CES5A: variants seen among roughly 807,000 people sequenced by gnomAD.
CES5A encodes carboxylesterase 5A.
CES5A carries 67 observed loss-of-function variants against 62.9 expected under a neutral mutation model. That is an observed-to-expected ratio of 1.07 (90% CI 0.88 to 1.31). CES5A has a LOEUF of 1.31. CES5A is among the 50% of genes most tolerant of loss of function. The pLI, the probability that CES5A is intolerant of heterozygous loss-of-function variation, is 0.00. For synonymous variants in CES5A, 296 were observed against 280.8 expected (o/e 1.05, Z -0.54); for missense variants, 748 against 708.5 (o/e 1.06, Z -0.63).
chr16:55,947,701 A>G (rs929940309), intron 2 of CES5A, among the ~76,000 whole-genome samples: 11 of 152,092 alleles, frequency 7.2e-5, no homozygotes, highest in Non-Finnish European at 5.9e-5. Flanking sequence ...CACATTTGAA[A>G]TGGAAGTTGA....
chr16:55,849,586 GGCT>G (rs772308797), intron 11 of CES5A, 35 bp downstream of exon 11: 13 of 1,607,986 alleles, frequency 8.1e-6, no homozygotes, highest in Non-Finnish European at 1.1e-5. Context: ...GTAAGCAAGG[GGCT>G]TCATGTGAAC....
At chr16:55,942,776 T>C (rs1235319652) in intron 2 of CES5A, among the ~76,000 whole-genome samples, 2 of 152,228 alleles carry the variant, frequency 1.3e-5, no homozygotes, top group Non-Finnish European at 2.9e-5. Flanking sequence ...ATAACTCAAA[T>C]GTTTTCCATA....
At chr16:55,852,434 A>T (rs1434626445) in intron 10 of CES5A, among the ~76,000 whole-genome samples, 1 of 152,206 alleles carries the variant, frequency 6.6e-6, no homozygotes, top group Non-Finnish European at 1.5e-5. Context: ...GCACTTGAGA[A>T]GAATGTGGAA....
intron 1 of CES5A, among the ~76,000 whole-genome samples, chr16:55,913,017 G>A (rs1156775157): frequency 2.0e-5 from 3 of 152,150 alleles, no homozygotes; most frequent in African/African-American, 7.2e-5. Context: ...TATCAAGACA[G>A]GGGAATTGCA....
At chr16:55,884,599 C>CT (rs141071104) in intron 1 of CES5A, among the ~76,000 whole-genome samples, 35,099 of 149,578 alleles carry the variant, frequency 0.23, 4,872 homozygotes, top group Non-Finnish European at 0.32. Flanking sequence ...AAACTTCTTC[C>CT]TTTTTTTTTT....
intron 1 of CES5A, among the ~76,000 whole-genome samples, chr16:55,904,769 C>CAGCA (rs2034023238): frequency 6.6e-6 from 1 of 152,158 alleles, no homozygotes. Context: ...CCACCTGGCA[C>CAGCA]AGCATAATGG....
chr16:55,846,404 A>C lies in CES5A; in HGVS notation c.*47T>G, dbSNP rs749373357. On this transcript the variant is annotated 3_prime_UTR_variant, in exon 13 of 13. Transcript: ENST00000290567. Reference sequence around the variant, plus strand: ...AGAAAGAAGCTAATGATTGCGGGAGAAATTATGGGAGGAGAAGGGAAACCA... The same window carrying C: ...AGAAAGAAGCTAATGATTGCGGGAGCAATTATGGGAGGAGAAGGGAAACCA... 7.0e-7 allele frequency: 1 copy of C among 1,437,114 alleles called. No individual in the cohort carries two copies. Among genetic ancestry groups the C allele is most frequent in the South Asian group, 1.2e-5 (1 of 85,436 alleles). The allele number at this position is 1,437,114 out of a possible 1,614,324, so 89.0% of individuals were successfully genotyped here. A position where few individuals can be genotyped will look rare whatever the true frequency, so the allele number is the denominator to read the frequency against.
chr16:55,939,508 A>T (rs1437336799), intron 2 of CES5A, among the ~76,000 whole-genome samples: 1 of 152,170 alleles, frequency 6.6e-6, no homozygotes, highest in Non-Finnish European at 1.5e-5. Context: ...CCCCTCTGTT[A>T]TTCTAGGACC....
intron 1 of CES5A, among the ~76,000 whole-genome samples, chr16:55,905,089 T>C (rs1246948634): frequency 6.6e-6 from 1 of 152,198 alleles, no homozygotes; most frequent in Non-Finnish European, 1.5e-5. Context: ...TCAAGTTTTA[T>C]AAATTTTCTT....
rs2033089655 is a variant in CES5A, at chr16:55,849,717, C to T, written c.1330G>A (p.Asp444Asn). ...GCTTTGACAAAAGCTGGCTTCGTGTCTTCAAAGCACTGAGGCCGGTGCCGA... is the reference window on the plus strand; with the variant it reads ...GCTTTGACAAAAGCTGGCTTCGTGTTTTCAAAGCACTGAGGCCGGTGCCGA... ...EFRHRPQCFE[D>N]TKPAFVKADH... is the part of the protein sequence containing the mutation. The change falls in exon 11 of 13, where the codon GAC (aspartate) becomes AAC (asparagine). Residue 444 changes from aspartate (D) to asparagine (N), a missense_variant. Asp to Asn is a conservative substitution (Grantham distance 23). Transcript: ENST00000290567. 6.2e-7 allele frequency: 1 copy of T among 1,613,878 alleles called. No homozygotes were observed. The highest frequency in any genetic ancestry group is 1.3e-5 in the African/African-American group (1 of 74,926).
chr16:55,870,697 CA>C (rs1403989164), intron 3 of CES5A, among the ~76,000 whole-genome samples: 1 of 150,778 alleles, frequency 6.6e-6, no homozygotes, highest in Non-Finnish European at 1.5e-5. Flanking sequence ...GACTCTGTCC[CA>C]AAAAAAAGAG....
At chr16:55,916,882 C>T (rs375884915) in intron 1 of CES5A, among the ~76,000 whole-genome samples, 1 of 152,176 alleles carries the variant, frequency 6.6e-6, no homozygotes, top group Admixed American at 6.5e-5. Context: ...CAATCAACTC[C>T]CTGTGGTCAA....
intron 11 of CES5A, among the ~76,000 whole-genome samples, chr16:55,847,849 TA>T (rs1338573536): frequency 3.3e-5 from 5 of 152,198 alleles, no homozygotes; most frequent in Non-Finnish European, 5.9e-5. Flanking sequence ...TGTGGAAGTA[TA>T]ATTACACAAA....
rs1473713035 is a variant in CES5A at position 55,869,690 on chromosome 16, C to T, written c.472G>A (p.Asp158Asn). 1 of 1,611,838 alleles carries T rather than the reference C, an allele frequency of 6.2e-7. No homozygotes were observed. Among genetic ancestry groups the T allele is most frequent in the African/African-American group, 1.3e-5 (1 of 74,890 alleles). ...AFKTGSASIF[D>N]GSALAAYEDV... ...TCATAGGCAGCCAGGGCGGACCCATCAAAGATGGAGGCTGAGCCAGTCTTG... is the reference window on the plus strand; with the variant it reads ...TCATAGGCAGCCAGGGCGGACCCATTAAAGATGGAGGCTGAGCCAGTCTTG... The change falls in exon 4 of 13, where the codon GAT becomes AAT. Residue 158 changes from aspartate to asparagine, a missense_variant. Physicochemically the swap from Asp to Asn is conservative, Grantham distance 23 (BLOSUM62 1). Coordinates refer to ENST00000290567, the MANE Select transcript of CES5A (RefSeq NM_001143685.2).
chr16:55,899,170 C>T lies in CES5A; in HGVS notation c.-255-25133G>A, dbSNP rs186774822. On this transcript the variant is annotated intron_variant, in intron 1 of 12. Transcript: ENST00000518005. ...TGCCTGCCCTAGGTCCTGATGCTAA[C>T]ATCTCAAAGGTCCTGAATGTCCGAG... Among the ~76,000 whole-genome samples, 15 of 152,306 alleles carry T rather than the reference C, an allele frequency of 9.8e-5. No homozygotes were observed. The East Asian group carries it at 2.9e-3, about 29-fold the overall frequency.
chr16:55,950,046 G>A, intron 1 of CES5A: 3 of 315,528 alleles, frequency 9.5e-6, no homozygotes, highest in Non-Finnish European at 1.6e-5. Flanking sequence ...AAAAAAAGAA[G>A]GGGTACCCAC....
At chr16:55,852,774 T>G in intron 10 of CES5A, 107 bp downstream of exon 10, 1 of 1,296,646 alleles carries the variant, frequency 7.7e-7, no homozygotes, top group Non-Finnish European at 1.1e-6. Context: ...GCACTTTCCA[T>G]GATAGAACAG....
At chr16:55,848,877 C>A (rs115815743) in intron 11 of CES5A, among the ~76,000 whole-genome samples, 1,707 of 152,208 alleles carry the variant, frequency 0.011, 27 homozygotes, top group African/African-American at 0.039. Flanking sequence ...ATCCTTATGA[C>A]AACCTAGGAG....
Position 55,846,508 on chromosome 16 carries a change from A to G in CES5A, c.1671T>C (p.Leu557=). The G allele has an allele frequency of 1.2e-6, 2 of 1,614,166 alleles. No homozygotes were observed. Among genetic ancestry groups the G allele is most frequent in the Non-Finnish European group, 1.7e-6 (2 of 1,180,014 alleles). Residue 557 remains leucine (L), a synonymous_variant, in exon 13 of 13, where the codon CTT becomes CTC. Transcript: ENST00000290567. ...LSASDMLHSP[L]SSLTFLSLLQ... ...GGAGAGAGAGGAAAGTTAAGGAAGA[A>G]AGAGGACTGTGGAGCATGTCGGAGG...
Sources: gnomAD v4.1 joint callset for allele counts (sites outside exome capture counted in the v4.1 genomes callset) on GRCh38, gnomAD v4.1.1 for gene constraint, MANE v1.5 for transcripts, NCBI Gene and HGNC (gene_info 2026-07-23, HGNC 2026-07-21) for gene names.